PYCR2: variants seen among roughly 807,000 people sequenced by gnomAD.
PYCR2 encodes P5C reductase 2.
PYCR2 carries 17 observed loss-of-function variants against 23.4 expected under a neutral mutation model. That is an observed-to-expected ratio of 0.73 (90% CI 0.50 to 1.09). The LOEUF (loss-of-function observed/expected upper bound fraction) is 1.09. Ranked by LOEUF, PYCR2 falls within the 50% of genes least tolerant of loss-of-function variation. The pLI is 0.00. For missense variants in PYCR2, 380 were observed against 423.5 expected, an observed-to-expected ratio of 0.90 and a Z score of 0.90; for synonymous variants, 172 against 176.6, an observed-to-expected ratio of 0.97 and a Z score of 0.21.
At position 225,921,455 on chromosome 1, in the gene PYCR2, AC is replaced by A; in HGVS notation, c.634-85del. The A allele has an allele frequency of 6.5e-7, 1 of 1,546,792 alleles. No homozygotes were observed. ...TACCCACTGCTCCTGCCCAACTGCT[AC>A]CCCAGCTTCCCAACCAACTCCCACC... is the stretch of plus-strand genomic sequence containing the variant. On this transcript the variant is annotated intron_variant, in intron 5 of 6. Coordinates refer to ENST00000343818, the MANE Select transcript of PYCR2 (RefSeq NM_013328.4). This position sits in a 1 kb window ranked among gnomAD's most constrained non-coding sequence, Gnocchi z 4.2.
chr1:225,923,391 G>GA (rs146823965), intron 2 of PYCR2: 17 of 1,090,844 alleles, frequency 1.6e-5, no homozygotes, highest in South Asian at 4.3e-5. Flanking sequence ...GACCCTGTCT[G>GA]AAAAAAAATT....
chr1:225,923,313 A>T (rs146740046), intron 2 of PYCR2: 175 of 383,358 alleles, frequency 4.6e-4, no homozygotes, highest in African/African-American at 3.7e-3. Context: ...TGGGAGGCTG[A>T]GGTGGGAGGC....
Position 225,922,045 on chromosome 1 carries a change from A to G in PYCR2, c.353T>C (p.Ile118Thr). The G allele has an allele frequency of 3.7e-6, 6 of 1,614,156 alleles. No individual in the cohort carries two copies. Among genetic ancestry groups the G allele is most frequent in the Non-Finnish European group, 5.1e-6 (6 of 1,180,022 alleles). Residue 118 changes from isoleucine (I) to threonine (T), a missense_variant, in exon 4 of 7, where the codon ATT (isoleucine) becomes ACT (threonine). Physicochemically the swap from Ile to Thr is moderately conservative, Grantham distance 89. Coordinates refer to ENST00000343818, the MANE Select transcript of PYCR2 (RefSeq NM_013328.4). ...CACAGGTGTGTTGGTCATGCAGCGA[A>G]TCACTTTGGGGGCTGGCTGGAATGC... ...LMAFQPAPKVIRCMTNTPVVV... is the reference protein window; with the variant it reads ...LMAFQPAPKVTRCMTNTPVVV...
At chr1:225,922,844 A>G (rs1671881246) in intron 2 of PYCR2, 2 of 331,458 alleles carry the variant, frequency 6.0e-6, no homozygotes, top group South Asian at 2.1e-4. Context: ...CTATGACTCC[A>G]AACTGAGAAG....
chr1:225,923,664 CCTCCACCCGCTTCCCACTCCGCCCGG>C lies in PYCR2; in HGVS notation c.138+11_138+36del, dbSNP rs1671910185. ...CATCTCAGGTCATCCTTTTCCTGGG[CCTCCACCCGCTTCCCACTCCGCCCGG>C]CTCCACCTACCCTGAGCGCGGACAC... On this transcript the variant is annotated intron_variant, in intron 2 of 6. Transcript: ENST00000343818. 2 of 1,613,364 alleles carry C rather than the reference CCTCCACCCGCTTCCCACTCCGCCCGG, an allele frequency of 1.2e-6. No individual in the cohort carries two copies. The highest frequency in any genetic ancestry group is 2.7e-5 in the African/African-American group (2 of 75,038).
intron 1 of PYCR2, 122 bp downstream of exon 1, chr1:225,923,922 C>A: frequency 2.7e-6 from 4 of 1,473,332 alleles, no homozygotes; most frequent in East Asian, 2.5e-5. Context: ...TGCTGCTCAA[C>A]CAGAGTCTCA....
intron 2 of PYCR2, 184 bp from the exon 3 acceptor site, chr1:225,922,567 A>G: frequency 1.6e-6 from 1 of 621,700 alleles, no homozygotes; most frequent in South Asian, 2.1e-5. Flanking sequence ...CTACTGGACA[A>G]GTAAGCACAG....
chr1:225,922,056 G>A lies in PYCR2; in HGVS notation c.342C>T (p.Ala114=), dbSNP rs375989456. Residue 114 remains alanine (A), a synonymous_variant, in exon 4 of 7, where the codon GCC becomes GCT. Coordinates refer to ENST00000343818, the MANE Select transcript of PYCR2 (RefSeq NM_013328.4). ...VEKKLMAFQP[A]PKVIRCMTNT... is the part of the protein sequence containing the mutation. Reference sequence around the variant, plus strand: ...TGGTCATGCAGCGAATCACTTTGGGGGCTGGCTGGAATGCCATCAGCTTCT... The same window carrying A: ...TGGTCATGCAGCGAATCACTTTGGGAGCTGGCTGGAATGCCATCAGCTTCT... 2.5e-6 allele frequency: 4 copies of A among 1,614,000 alleles called. No homozygotes were observed. The African/African-American group carries it at 5.3e-5, about 22-fold the overall frequency.
rs1465431595 is a variant in PYCR2, at chr1:225,921,959, G to A, written c.439C>T (p.Gln147Ter). The change falls in exon 4 of 7, where the codon CAG becomes TAG. Residue 147 changes from glutamine (Q) to a stop codon, truncating the protein, a stop_gained. Transcript: ENST00000343818. LOFTEE classifies it high-confidence loss of function. This position sits in a 1 kb window ranked among gnomAD's most constrained non-coding sequence, Gnocchi z 4.2. ...TGTHALVEDGQLLEQLMSSVG... is the reference protein window; with the variant it reads ...TGTHALVEDG ...CTGCTCATGAGCTGCTCCAGGAGCT[G>A]CCCATCCTCCACCAGGGCATGGGTG... The A allele has an allele frequency of 4.3e-6, 7 of 1,613,996 alleles. No homozygotes were observed. Among genetic ancestry groups the A allele is most frequent in the Non-Finnish European group, 4.2e-6 (5 of 1,180,020 alleles).
intron 2 of PYCR2, chr1:225,922,786 G>A (rs1050030528): frequency 1.8e-5 from 4 of 227,580 alleles, no homozygotes; most frequent in Non-Finnish European, 3.4e-5. Flanking sequence ...CGTGGGGACC[G>A]CACAGTCTCC....
At position 225,921,131 on chromosome 1, in the gene PYCR2, G is replaced by A. The variant is rs1048191736; in HGVS notation, c.797+77C>T. 4.9e-6 allele frequency: 7 copies of A among 1,423,248 alleles called. No individual in the cohort carries two copies. The highest frequency in any genetic ancestry group is 2.1e-5 in the Admixed American group (1 of 46,578). The allele number at this position is 1,423,248 out of a possible 1,614,324, so 88.2% of individuals were successfully genotyped here. On this transcript the variant is annotated intron_variant, in intron 6 of 6. Coordinates refer to ENST00000343818, the MANE Select transcript of PYCR2 (RefSeq NM_013328.4). This position sits in a 1 kb window ranked among gnomAD's most constrained non-coding sequence, Gnocchi z 4.2. ...AATGGGACCCAAGACAGCAGGTTCC[G>A]CAAATGGTGCTCAACCCAGCCCAGG...
In PYCR2 at chr1:225,920,564, G is replaced by A. The variant is rs1671809392; in HGVS notation, c.854C>T (p.Thr285Ile). ...TTCCAGCTTCACTCTGTCTAAGAGGGTCTTCTTAAGGGCAGCTGGGGAGAT... is the reference window on the plus strand; with the variant it reads ...TTCCAGCTTCACTCTGTCTAAGAGGATCTTCTTAAGGGCAGCTGGGGAGAT... Reference protein sequence around the residue: ...EKISPAALKKTLLDRVKLESP... With the variant: ...EKISPAALKKILLDRVKLESP... The change falls in exon 7 of 7, where the codon ACC becomes ATC. Residue 285 changes from threonine (T) to isoleucine (I), a missense_variant. By Grantham distance (89) the Thr-to-Ile change is moderately conservative. Coordinates refer to ENST00000343818, the MANE Select transcript of PYCR2 (RefSeq NM_013328.4). 6 of 1,609,886 alleles carry A rather than the reference G, an allele frequency of 3.7e-6. No homozygotes were observed. The highest frequency in any genetic ancestry group is 5.1e-6 in the Non-Finnish European group (6 of 1,176,274).
chr1:225,920,614 T>C lies in PYCR2; in HGVS notation c.804A>G (p.Leu268=), dbSNP rs748887307. ...TCTTTTCTTGGTCGGCCATGGACTG[T>C]AGCTCTCTGCAGACAAAACCCCAGA... ...VEASCIRTRE[L]QSMADQEKIS... is the part of the protein sequence containing the mutation. Residue 268 remains leucine, a synonymous_variant, in exon 7 of 7, where the codon CTA becomes CTG. Transcript: ENST00000343818. 1.2e-6 allele frequency: 2 copies of C among 1,613,546 alleles called. No homozygotes were observed. The highest frequency in any genetic ancestry group is 2.2e-5 in the South Asian group (2 of 91,064).
Position 225,922,301 on chromosome 1 carries a change from A to G in PYCR2, c.221T>C (p.Ile74Thr). The G allele has an allele frequency of 6.2e-7, 1 of 1,614,206 alleles. No homozygotes were observed. The highest frequency in any genetic ancestry group is 8.5e-7 in the Non-Finnish European group (1 of 1,180,026). ...AATCTCATCCAGGATGAAGGGGATG[A>G]TATGTGGCTTCACAGCCAGAAACAG... ...DVLFLAVKPH[I>T]IPFILDEIGA... The change falls in exon 3 of 7, where the codon ATC (isoleucine) becomes ACC (threonine). Residue 74 changes from isoleucine (I) to threonine (T), a missense_variant. Transcript: ENST00000343818.
In PYCR2 at chr1:225,921,143, C is replaced by A; in HGVS notation, c.797+65G>T. 6.7e-7 allele frequency: 1 copy of A among 1,488,248 alleles called. No homozygotes were observed. 92.2% of individuals were successfully genotyped at this position (1,488,248 alleles called of 1,614,324 possible). A position where few individuals can be genotyped will look rare whatever the true frequency, so the allele number is the denominator to read the frequency against. ...GACAGCAGGTTCCGCAAATGGTGCT[C>A]AACCCAGCCCAGGGACCAACCAGGA... is the stretch of plus-strand genomic sequence containing the variant. On this transcript the variant is annotated intron_variant, in intron 6 of 6. Coordinates refer to ENST00000343818, the MANE Select transcript of PYCR2 (RefSeq NM_013328.4). This position sits in a 1 kb window ranked among gnomAD's most constrained non-coding sequence, Gnocchi z 4.2.
chr1:225,922,309 C>A lies in PYCR2; in HGVS notation c.213G>T (p.Lys71Asn). 1 of 1,614,230 alleles carries A rather than the reference C, an allele frequency of 6.2e-7. No individual in the cohort carries two copies. Among genetic ancestry groups the A allele is most frequent in the East Asian group, 2.2e-5 (1 of 44,888 alleles). ...CCAGGATGAAGGGGATGATATGTGG[C>A]TTCACAGCCAGAAACAGGACGTCGC... The part of the protein sequence containing the change: ...KHSDVLFLAV[K>N]PHIIPFILDE... Residue 71 changes from lysine to asparagine, a missense_variant, in exon 3 of 7, where the codon AAG becomes AAT. By Grantham distance (94) the Lys-to-Asn change is moderately conservative. Coordinates refer to ENST00000343818, the MANE Select transcript of PYCR2 (RefSeq NM_013328.4).
Position 225,921,463 on chromosome 1 carries a change from T to TGGGA in PYCR2, c.633+88_633+89insTCCC. 1 of 1,563,150 alleles carries TGGGA rather than the reference T, an allele frequency of 6.4e-7. No individual in the cohort carries two copies. Among genetic ancestry groups the TGGGA allele is most frequent in the Non-Finnish European group, 8.8e-7 (1 of 1,137,966 alleles). The stretch of plus-strand genomic sequence containing the variant: ...GCTCCTGCCCAACTGCTACCCCAGC[T>TGGGA]TCCCAACCAACTCCCACCTCAGTTC... On this transcript the variant is annotated intron_variant, in intron 5 of 6. Transcript: ENST00000343818. The surrounding 1 kb of genome is among the most constrained non-coding windows in gnomAD (Gnocchi z 4.2).
rs1196253234 is a variant in PYCR2 at position 225,923,760 on chromosome 1, C to T, written c.79G>A (p.Ala27Thr). The T allele has an allele frequency of 1.2e-6, 2 of 1,614,200 alleles. No homozygotes were observed. The highest frequency in any genetic ancestry group is 1.7e-5 in the Admixed American group (1 of 60,034). Residue 27 changes from alanine to threonine, a missense_variant, in exon 2 of 7, where the codon GCT becomes ACT. Physicochemically the swap from Ala to Thr is moderately conservative, Grantham distance 58. Transcript: ENST00000343818. ...RGFTAAGILS[A>T]HKIIASSPEM... ...GGGGAGCTGGCTATTATCTTGTGAG[C>T]CGACAGGATGCCTGCAGAAGACAGA...
Position 225,921,070 on chromosome 1 carries a change from G to A in PYCR2, c.797+138C>T, listed in dbSNP as rs961570655. On this transcript the variant is annotated intron_variant, in intron 6 of 6. Coordinates refer to ENST00000343818, the MANE Select transcript of PYCR2 (RefSeq NM_013328.4). This position sits in a 1 kb window ranked among gnomAD's most constrained non-coding sequence, Gnocchi z 4.2. ...TTAGGTAAACAAAATCTACTAAGTT[G>A]TGGTTATTAACAGAGCACAGACTCC... 2 of 878,744 alleles carry A rather than the reference G, an allele frequency of 2.3e-6. No homozygotes were observed. Among genetic ancestry groups the A allele is most frequent in the East Asian group, 2.6e-5 (1 of 39,012 alleles). 54.4% of individuals were successfully genotyped at this position (878,744 alleles called of 1,614,324 possible).
Sources: allele counts gnomAD v4.1 joint callset, GRCh38; gene constraint gnomAD v4.1.1; non-coding constraint Gnocchi (gnomAD v3.1); transcripts MANE v1.5; gene names NCBI Gene and HGNC (gene_info 2026-07-23, HGNC 2026-07-21).